ARHGAP32: variants seen among roughly 807,000 people sequenced by gnomAD.
The protein encoded by ARHGAP32 is rho GTPase-activating protein 32.
ARHGAP32 carries 51 observed loss-of-function variants against 186.5 expected under a neutral mutation model. That is an observed-to-expected ratio of 0.27 (90% CI 0.22 to 0.35). ARHGAP32 has a LOEUF of 0.35. Among genes scored for constraint, ARHGAP32 ranks in the 10% least tolerant of loss-of-function variants. The pLI, the probability that ARHGAP32 is intolerant of heterozygous loss-of-function variation, is 1.00. For missense variants in ARHGAP32, 2,186 were observed against 2,623.5 expected (o/e 0.83, Z 3.64); for synonymous variants, 950 against 964.3 (o/e 0.99, Z 0.27).
chr11:129,093,098 T>C (rs891747180), intron 6 of ARHGAP32, among the ~76,000 whole-genome samples: 2 of 152,036 alleles, frequency 1.3e-5, no homozygotes, highest in Non-Finnish European at 2.9e-5. Flanking sequence ...ACATATCCTA[T>C]TGTTACACCG....
chr11:129,060,631 G>A (rs984743994), intron 10 of ARHGAP32, among the ~76,000 whole-genome samples: 3 of 152,062 alleles, frequency 2.0e-5, no homozygotes, highest in Non-Finnish European at 2.9e-5. Flanking sequence ...ACAGATGGAG[G>A]GGGATCCCAA....
chr11:128,978,957 G>T (rs1332513152), intron 18 of ARHGAP32, 42 bp from the exon 19 acceptor site: 12 of 1,548,254 alleles, frequency 7.8e-6, no homozygotes, highest in Non-Finnish European at 1.0e-5. Flanking sequence ...ATAGCCATGG[G>T]TCTGTCTTTT....
intron 1 of ARHGAP32, among the ~76,000 whole-genome samples, chr11:129,197,940 G>A (rs1591692046): frequency 6.6e-6 from 1 of 152,002 alleles, no homozygotes; most frequent in Non-Finnish European, 1.5e-5. Flanking sequence ...ATCTAAAGAG[G>A]AAACAATTCT....
chr11:129,212,688 G>A (rs562276877), intron 1 of ARHGAP32, among the ~76,000 whole-genome samples: 1 of 152,118 alleles, frequency 6.6e-6, no homozygotes, highest in Admixed American at 6.6e-5. Context: ...ATGGCAATTA[G>A]AGCAAGTTAC....
Position 128,978,878 on chromosome 11 carries a change from C to A in ARHGAP32, c.2014G>T (p.Gly672Cys), listed in dbSNP as rs1212764645. 4 of 1,609,686 alleles carry A rather than the reference C, an allele frequency of 2.5e-6. No homozygotes were observed. Among genetic ancestry groups the A allele is most frequent in the Non-Finnish European group, 3.4e-6 (4 of 1,178,634 alleles). The change falls in exon 19 of 23, where the codon GGT (glycine) becomes TGT (cysteine). Residue 672 changes from glycine to cysteine, a missense_variant. Gly to Cys is a radical substitution (Grantham distance 159). Around this residue, in one of 5 missense-constraint regions of ARHGAP32, gnomAD observed 263 missense variants for 323.5 expected, o/e 0.81. Coordinates refer to ENST00000682385, the MANE Select transcript of ARHGAP32 (RefSeq NM_001378024.1). ...AAGTTGAAAAAGGAACGCCAGCTAC[C>A]CACAGGAGACTTTTTCATCTTATTT... ...PQNKMKKSPV[G>C]SWRSFFNLGK...
At chr11:129,136,822 T>A (rs1428003640) in intron 2 of ARHGAP32, among the ~76,000 whole-genome samples, 1 of 152,066 alleles carries the variant, frequency 6.6e-6, no homozygotes, top group African/African-American at 2.4e-5. Context: ...CTAGCAAGAC[T>A]TCTGGTGCAG....
At chr11:128,982,426 G>A (rs955005089) in intron 15 of ARHGAP32, among the ~76,000 whole-genome samples, 3 of 151,528 alleles carry the variant, frequency 2.0e-5, no homozygotes, top group Non-Finnish European at 4.4e-5. Context: ...GAGTACTTTT[G>A]AAAACAAGAC....
intron 5 of ARHGAP32, among the ~76,000 whole-genome samples, chr11:129,108,398 T>C (rs373182625): frequency 1.4e-4 from 21 of 152,286 alleles, no homozygotes; most frequent in Non-Finnish European, 2.2e-4. Context: ...GAACATTATA[T>C]ATTGATGAAA....
At chr11:129,231,702 G>C (rs972601981) in intron 1 of ARHGAP32, among the ~76,000 whole-genome samples, 1 of 151,900 alleles carries the variant, frequency 6.6e-6, no homozygotes. Flanking sequence ...AACTTTGAAG[G>C]GCCATCCCAA....
At chr11:129,174,840 G>GA (rs1162559262) in intron 1 of ARHGAP32, among the ~76,000 whole-genome samples, 1 of 150,410 alleles carries the variant, frequency 6.6e-6, no homozygotes, top group Admixed American at 6.6e-5. Flanking sequence ...CAAAGATGGG[G>GA]AAAAAACAGA....
In ARHGAP32 at chr11:128,969,380, C is replaced by T. The variant is rs749241740; in HGVS notation, c.5833G>A (p.Gly1945Arg). Residue 1945 changes from glycine to arginine, a missense_variant, in exon 23 of 23, where the codon GGG becomes AGG. Coordinates refer to ENST00000682385, the MANE Select transcript of ARHGAP32 (RefSeq NM_001378024.1). This position sits in a 1 kb window ranked among gnomAD's most constrained non-coding sequence, Gnocchi z 4.8. The stretch of plus-strand genomic sequence containing the variant: ...TGGTTCAGTCTTAAAGATTCTTGCC[C>T]GGATGCAGCATATTTTACTCCAGAG... Reference protein sequence around the residue: ...HNSGVKYAASGQESLRLNHKE... With the variant: ...HNSGVKYAASRQESLRLNHKE... 1.9e-5 allele frequency: 30 copies of T among 1,614,050 alleles called. No individual in the cohort carries two copies. The highest frequency in any genetic ancestry group is 1.6e-4 in the Middle Eastern group (1 of 6,084).
At chr11:129,177,941 G>A (rs1245767798) in intron 1 of ARHGAP32, among the ~76,000 whole-genome samples, 1 of 152,090 alleles carries the variant, frequency 6.6e-6, no homozygotes, top group Non-Finnish European at 1.5e-5. Flanking sequence ...GTTCTGGCCA[G>A]GGCAATTAGG....
intron 1 of ARHGAP32, among the ~76,000 whole-genome samples, chr11:129,264,547 T>C (rs970520314): frequency 1.3e-5 from 2 of 152,148 alleles, no homozygotes; most frequent in African/African-American, 2.4e-5. Flanking sequence ...GTTGGTAATA[T>C]TAATAGGACA....
In ARHGAP32 at chr11:129,164,322, T is replaced by C; in HGVS notation, c.222A>G (p.Ala74=). 1 of 1,532,132 alleles carries C rather than the reference T, an allele frequency of 6.5e-7. No homozygotes were observed. The highest frequency in any genetic ancestry group is 8.9e-7 in the Non-Finnish European group (1 of 1,126,360). The allele number at this position is 1,532,132 out of a possible 1,614,324, so 94.9% of individuals were successfully genotyped here. ...ERPDWEETLS[A]MARGADVPEI... is the part of the protein sequence containing the mutation. ...CAATTGTATAAAACTGATTTACCAT[T>C]GCGCTAAGAGTTTCTTCCCAATCAG... is the stretch of plus-strand genomic sequence containing the variant. The change falls in exon 2 of 23, where the codon GCA becomes GCG. Residue 74 remains alanine (A), a synonymous_variant. Coordinates refer to ENST00000682385, the MANE Select transcript of ARHGAP32 (RefSeq NM_001378024.1).
intron 12 of ARHGAP32, among the ~76,000 whole-genome samples, chr11:128,991,216 C>T (rs1382270885): frequency 1.3e-5 from 2 of 152,098 alleles, no homozygotes; most frequent in African/African-American, 4.8e-5. Context: ...TCTCTACACA[C>T]GTAATACTTC....
chr11:129,103,353 G>A (rs535953898), intron 5 of ARHGAP32, among the ~76,000 whole-genome samples: 1 of 152,002 alleles, frequency 6.6e-6, no homozygotes, highest in East Asian at 1.9e-4. Context: ...TATCCACACT[G>A]AATCACTAAG....
At chr11:129,064,810 C>A in intron 8 of ARHGAP32, 31 bp downstream of exon 8, 1 of 1,489,090 alleles carries the variant, frequency 6.7e-7, no homozygotes. Context: ...TTTAAATATA[C>A]ATTTTTCATG....
At chr11:129,271,737 A>T (rs79683886) in intron 1 of ARHGAP32, among the ~76,000 whole-genome samples, 2 of 152,332 alleles carry the variant, frequency 1.3e-5, no homozygotes, top group Admixed American at 6.5e-5. Context: ...ATAGAAAATG[A>T]GAATGAACAA....
chr11:129,115,455 T>A (rs1942341716), intron 5 of ARHGAP32, among the ~76,000 whole-genome samples: 1 of 152,118 alleles, frequency 6.6e-6, no homozygotes, highest in South Asian at 2.1e-4. Flanking sequence ...AGAGCACTGT[T>A]TTCTCAGCTG....
Sources: allele counts gnomAD v4.1 joint callset (sites outside exome capture counted in the v4.1 genomes callset), GRCh38; gene constraint gnomAD v4.1.1; regional missense constraint gnomAD v4.1.1; non-coding constraint Gnocchi (gnomAD v3.1); transcripts MANE v1.5; gene names NCBI Gene and HGNC (gene_info 2026-07-23, HGNC 2026-07-21).